SIN3B: variants seen among roughly 807,000 people sequenced by gnomAD.
SIN3B encodes SIN3 transcription regulator family member B.
SIN3B carries 19 observed loss-of-function variants against 120.2 expected under a neutral mutation model. The ratio of observed to expected loss-of-function variants is 0.16; its 90% CI spans 0.11 to 0.23. SIN3B has a LOEUF of 0.23. SIN3B is among the 10% of genes least tolerant of loss of function. The probability of loss-of-function intolerance (pLI) is 1.00; values close to 1 mark genes in which losing one functional copy is unlikely to be tolerated. For synonymous variants in SIN3B, 654 were observed against 653.2 expected (o/e 1.00, Z -0.02); for missense variants, 1,073 against 1,573.0 (o/e 0.68, Z 5.38).
At chr19:16,836,554 G>A (rs998640617) in intron 3 of SIN3B, among the ~76,000 whole-genome samples, 2 of 152,186 alleles carry the variant, frequency 1.3e-5, no homozygotes, top group Non-Finnish European at 2.9e-5. Flanking sequence ...TTTCTTATTG[G>A]TTTTCCTTCC....
chr19:16,864,633 AT>A (rs949432145), intron 10 of SIN3B, among the ~76,000 whole-genome samples: 1 of 150,810 alleles, frequency 6.6e-6, no homozygotes, highest in Non-Finnish European at 1.5e-5. Flanking sequence ...CACCTGGCTA[AT>A]TTTTTTTTCC....
At chr19:16,853,025 C>A (rs367581539) in intron 6 of SIN3B, 44 bp from the exon 7 acceptor site, 1 of 1,528,816 alleles carries the variant, frequency 6.5e-7, no homozygotes, top group African/African-American at 1.4e-5. Context: ...CAGAGGCCAC[C>A]GGTGGGAGGC....
At chr19:16,861,898 G>A (rs1971694010) in intron 8 of SIN3B, among the ~76,000 whole-genome samples, 1 of 152,128 alleles carries the variant, frequency 6.6e-6, no homozygotes, top group Non-Finnish European at 1.5e-5. Context: ...TCATGCCACT[G>A]CCCTTGAGCC....
intron 2 of SIN3B, 140 bp from the exon 3 acceptor site, chr19:16,831,354 C>A: frequency 1.2e-6 from 1 of 834,442 alleles, no homozygotes; most frequent in Non-Finnish European, 1.9e-6. Flanking sequence ...TGAGCCACTG[C>A]GCCTGGTGGG....
rs1568413987 is a variant in SIN3B at position 16,841,807 on chromosome 19, A to G, written c.421A>G (p.Lys141Glu). ...CCACGGGGACGGTGCAGAGGACTTC[A>G]AGCAGCAGGTGCCGTATAAAGAGGA... Reference protein sequence around the residue: ...HNHGDGAEDFKQQVPYKEDKP... With the variant: ...HNHGDGAEDFEQQVPYKEDKP... Residue 141 changes from lysine to glutamate, a missense_variant, in exon 4 of 19, where the codon AAG becomes GAG. By Grantham distance (56) the Lys-to-Glu change is moderately conservative. Coordinates refer to ENST00000248054, the MANE Select transcript of SIN3B (RefSeq NM_001297595.2). 1.2e-6 allele frequency: 2 copies of G among 1,614,086 alleles called. No individual in the cohort carries two copies. The highest frequency in any genetic ancestry group is 1.7e-6 in the Non-Finnish European group (2 of 1,180,010).
intron 2 of SIN3B, 30 bp downstream of exon 2, chr19:16,829,927 G>A: frequency 6.6e-7 from 1 of 1,522,918 alleles, no homozygotes; most frequent in East Asian, 2.3e-5. Context: ...CCACCTCAGG[G>A]GACCCCCCTG....
Position 16,876,277 on chromosome 19 carries a change from A to G in SIN3B, c.2766+49A>G, listed in dbSNP as rs767840322. ...AACACGCCGGGAGGCCCGGCCGCTC[A>G]CTCCGCTCTGGACTCAGTCCTGGGT... On this transcript the variant is annotated intron_variant, in intron 15 of 18. Coordinates refer to ENST00000248054, the MANE Select transcript of SIN3B (RefSeq NM_001297595.2). This position sits in a 1 kb window ranked among gnomAD's most constrained non-coding sequence, Gnocchi z 7.1. 2 of 1,573,842 alleles carry G rather than the reference A, an allele frequency of 1.3e-6. No individual in the cohort carries two copies.
intron 8 of SIN3B, among the ~76,000 whole-genome samples, chr19:16,857,855 CT>C (rs1245977013): frequency 6.6e-6 from 1 of 152,032 alleles, no homozygotes; most frequent in Non-Finnish European, 1.5e-5. Flanking sequence ...TGCTTTGCTT[CT>C]TTTCTCTTCT....
intron 16 of SIN3B, 32 bp from the exon 17 acceptor site, chr19:16,877,513 G>C: frequency 6.7e-7 from 1 of 1,496,430 alleles, no homozygotes; most frequent in Non-Finnish European, 9.2e-7. Flanking sequence ...TGCTGTAGGG[G>C]CATCACGGGC....
chr19:16,877,083 G>A, intron 16 of SIN3B: 1 of 193,210 alleles, frequency 5.2e-6, no homozygotes, highest in South Asian at 1.1e-4. Context: ...CCCGGCACCT[G>A]CCAACAGGTC....
At chr19:16,847,714 T>C (rs1298613272) in intron 5 of SIN3B, among the ~76,000 whole-genome samples, 1 of 152,234 alleles carries the variant, frequency 6.6e-6, no homozygotes, top group East Asian at 1.9e-4. Flanking sequence ...ATTCCTCTTT[T>C]TTCCCCCACT....
chr19:16,848,478 A>G (rs1051232598), intron 5 of SIN3B, among the ~76,000 whole-genome samples: 1 of 146,520 alleles, frequency 6.8e-6, no homozygotes, highest in South Asian at 2.2e-4. Flanking sequence ...CAGTGTGTGA[A>G]GTTTTATTGC....
In SIN3B at chr19:16,869,719, A is replaced by T; in HGVS notation, c.2066A>T (p.Gln689Leu). ...GCTGATGAGGACCGGGACAGCCCCC[A>T]GGGGCAGACCACAGACCCCAGTGAG... is the stretch of plus-strand genomic sequence containing the variant. ...ESADEDRDSP[Q>L]GQTTDPSERK... is the part of the protein sequence containing the mutation. The change falls in exon 13 of 19, where the codon CAG becomes CTG. Residue 689 changes from glutamine (Q) to leucine (L), a missense_variant. Physicochemically the swap from Gln to Leu is moderately radical, Grantham distance 113. Transcript: ENST00000248054. 6.2e-7 allele frequency: 1 copy of T among 1,613,338 alleles called. No homozygotes were observed. The highest frequency in any genetic ancestry group is 8.5e-7 in the Non-Finnish European group (1 of 1,179,988).
chr19:16,830,815 T>A (rs1298933826), intron 2 of SIN3B, among the ~76,000 whole-genome samples: 1 of 152,246 alleles, frequency 6.6e-6, no homozygotes, highest in African/African-American at 2.4e-5. Context: ...CATAGTCATC[T>A]CTATCTGATA....
rs368206912 is a variant in SIN3B at position 16,865,660 on chromosome 19, C to T, written c.1622+12C>T. The T allele has an allele frequency of 5.6e-5, 88 of 1,560,286 alleles. No individual in the cohort carries two copies. The highest frequency in any genetic ancestry group is 4.3e-4 in the Middle Eastern group (2 of 4,676). On this transcript the variant is annotated intron_variant, in intron 11 of 18. Coordinates refer to ENST00000248054, the MANE Select transcript of SIN3B (RefSeq NM_001297595.2). ...GTTGTCCTGAAAAGGTGCCCTGTGG[C>T]GTCCCGACTTCCCTTCCCCTTCCCC...
Position 16,862,391 on chromosome 19 carries a change from G to T in SIN3B, c.1098G>T (p.Leu366=). Residue 366 remains leucine, a synonymous_variant, in exon 9 of 19, where the codon CTG becomes CTT. Transcript: ENST00000248054. This position sits in a 1 kb window ranked among gnomAD's most constrained non-coding sequence, Gnocchi z 4.7. ...PELFAQFKSF[L]GVKELSFAPP... Reference sequence around the variant, plus strand: ...TCTTTGCACAGTTCAAGTCCTTCCTGGGGGTAAAAGAGCTGTCCTTCGCGC... The same window carrying T: ...TCTTTGCACAGTTCAAGTCCTTCCTTGGGGTAAAAGAGCTGTCCTTCGCGC... 1 of 1,614,184 alleles carries T rather than the reference G, an allele frequency of 6.2e-7. No individual in the cohort carries two copies. Among genetic ancestry groups the T allele is most frequent in the South Asian group, 1.1e-5 (1 of 91,092 alleles).
At chr19:16,850,520 G>C (rs1971531039) in intron 5 of SIN3B, among the ~76,000 whole-genome samples, 2 of 152,046 alleles carry the variant, frequency 1.3e-5, no homozygotes, top group Admixed American at 6.6e-5. Context: ...CATAGTATCT[G>C]ATCGCTGCGG....
Position 16,862,431 on chromosome 19 carries a change from A to C in SIN3B, c.1138A>C (p.Arg380=). 1 of 1,614,208 alleles carries C rather than the reference A, an allele frequency of 6.2e-7. No homozygotes were observed. The highest frequency in any genetic ancestry group is 1.6e-4 in the Middle Eastern group (1 of 6,062). The change falls in exon 9 of 19, where the codon AGA becomes CGA. Residue 380 remains arginine (R), a synonymous_variant. Coordinates refer to ENST00000248054, the MANE Select transcript of SIN3B (RefSeq NM_001297595.2). This position sits in a 1 kb window ranked among gnomAD's most constrained non-coding sequence, Gnocchi z 4.7. ...GTCCTTCGCGCCACCCATGAGCGAC[A>C]GATCCGGGGACGGGATAAGCCGGGA... The part of the protein sequence containing the change: ...ELSFAPPMSD[R]SGDGISREID...
At chr19:16,871,496 C>A in intron 14 of SIN3B, 98 bp downstream of exon 14, 2 of 1,119,000 alleles carry the variant, frequency 1.8e-6, no homozygotes, top group Non-Finnish European at 2.5e-6. Context: ...GTCAGCACAG[C>A]AAACCTATCC....
Sources: gnomAD v4.1 joint callset for allele counts (sites outside exome capture counted in the v4.1 genomes callset) on GRCh38, gnomAD v4.1.1 for gene constraint, Gnocchi (gnomAD v3.1) non-coding constraint, MANE v1.5 for transcripts, NCBI Gene and HGNC (gene_info 2026-07-23, HGNC 2026-07-21) for gene names.